CLDN8: variants seen among roughly 807,000 people sequenced by gnomAD.
The protein encoded by CLDN8 is claudin 8.
CLDN8 carries 2 observed loss-of-function variants against 2.2 expected under a neutral mutation model. The observed-to-expected ratio is 0.90, with a 90% CI of 0.37 to 2.82. The LOEUF (loss-of-function observed/expected upper bound fraction) is 2.82. CLDN8 is among the 30% of genes most tolerant of loss of function. The pLI is 0.10. For synonymous variants in CLDN8, 107 were observed against 104.8 expected (o/e 1.02, Z -0.13); for missense variants, 314 against 280.5 (o/e 1.12, Z -0.85).
chr21:30,214,404 G>T lies in CLDN8; in HGVS notation c.*844C>A, dbSNP rs186485421. ...TATTAAAATATATCCATACATATAT[G>T]ATTTCTTGTCAAAATGCATCATTCT... On this transcript the variant is annotated 3_prime_UTR_variant, in exon 1 of 1. Coordinates refer to ENST00000399899, the MANE Select transcript of CLDN8 (RefSeq NM_199328.3). 9.2e-5 allele frequency: 14 copies of T among 152,118 alleles called. No homozygotes were observed. Among genetic ancestry groups the T allele is most frequent in the Admixed American group, 9.2e-4 (14 of 15,276 alleles). 9.4% of individuals were successfully genotyped at this position (152,118 alleles called of 1,614,324 possible).
Position 30,215,637 on chromosome 21 carries a change from T to C in CLDN8, c.289A>G (p.Met97Val). The change falls in exon 1 of 1, where the codon ATG (methionine) becomes GTG (valine). Residue 97 changes from methionine (M) to valine (V), a missense_variant. Physicochemically the swap from Met to Val is conservative, Grantham distance 21. Coordinates refer to ENST00000399899, the MANE Select transcript of CLDN8 (RefSeq NM_199328.3). Reference protein sequence around the residue: ...ASVMSFLAFMMAILGMKCTRC... With the variant: ...ASVMSFLAFMVAILGMKCTRC... ...GTGCATTTCATGCCAAGGATGGCCATCATGAAAGCCAAGAAGGACATCACG... is the reference window on the plus strand; with the variant it reads ...GTGCATTTCATGCCAAGGATGGCCACCATGAAAGCCAAGAAGGACATCACG... The C allele has an allele frequency of 5.0e-6, 8 of 1,614,054 alleles. No individual in the cohort carries two copies. The highest frequency in any genetic ancestry group is 6.8e-6 in the Non-Finnish European group (8 of 1,179,994).
Position 30,214,919 on chromosome 21 carries a change from A to G in CLDN8, c.*329T>C. On this transcript the variant is annotated 3_prime_UTR_variant, in exon 1 of 1. Transcript: ENST00000399899. ...ATAAATGTTACACTCATCTATGTACATAATGCTATGTCGTGGAGAAATTAC... is the reference window on the plus strand; with the variant it reads ...ATAAATGTTACACTCATCTATGTACGTAATGCTATGTCGTGGAGAAATTAC... The G allele has an allele frequency of 3.9e-6, 1 of 258,462 alleles. No homozygotes were observed. The highest frequency in any genetic ancestry group is 5.8e-5 in the South Asian group (1 of 17,166). 16.0% of individuals were successfully genotyped at this position (258,462 alleles called of 1,614,324 possible). A position where few individuals can be genotyped will look rare whatever the true frequency, so the allele number is the denominator to read the frequency against.
chr21:30,215,552 A>T lies in CLDN8; in HGVS notation c.374T>A (p.Ile125Asn). The T allele has an allele frequency of 1.2e-6, 2 of 1,614,060 alleles. No individual in the cohort carries two copies. Among genetic ancestry groups the T allele is most frequent in the Non-Finnish European group, 1.7e-6 (2 of 1,180,012 alleles). Residue 125 changes from isoleucine (I) to asparagine (N), a missense_variant, in exon 1 of 1, where the codon ATC becomes AAC. Coordinates refer to ENST00000399899, the MANE Select transcript of CLDN8 (RefSeq NM_199328.3). The stretch of plus-strand genomic sequence containing the variant: ...CACCACCATGCCCGTGATGATGAAG[A>T]TGATTCCAGCCGTCAGCAGAATGTG... ...KAHILLTAGI[I>N]FIITGMVVLI...
Position 30,215,640 on chromosome 21 carries a change from T to C in CLDN8, c.286A>G (p.Met96Val), listed in dbSNP as rs994122095. The change falls in exon 1 of 1, where the codon ATG becomes GTG. Residue 96 changes from methionine to valine, a missense_variant. Transcript: ENST00000399899. ...CATTTCATGCCAAGGATGGCCATCA[T>C]GAAAGCCAAGAAGGACATCACGGAA... ...AASVMSFLAFMMAILGMKCTR... is the reference protein window; with the variant it reads ...AASVMSFLAFVMAILGMKCTR... 3.1e-6 allele frequency: 5 copies of C among 1,613,972 alleles called. No homozygotes were observed. Among genetic ancestry groups the C allele is most frequent in the Middle Eastern group, 1.6e-4 (1 of 6,084 alleles).
chr21:30,215,944 T>C lies in CLDN8; in HGVS notation c.-19A>G. On this transcript the variant is annotated 5_prime_UTR_variant, in exon 1 of 1. Transcript: ENST00000399899. Reference sequence around the variant, plus strand: ...TTGCCATTATCCTCTGGGATGAGTTTTAGCCAGCTGGACTCCGGAACTGCT... The same window carrying C: ...TTGCCATTATCCTCTGGGATGAGTTCTAGCCAGCTGGACTCCGGAACTGCT... 3.2e-6 allele frequency: 5 copies of C among 1,575,672 alleles called. No individual in the cohort carries two copies. The highest frequency in any genetic ancestry group is 4.3e-6 in the Non-Finnish European group (5 of 1,161,196).
Position 30,215,423 on chromosome 21 carries a change from C to G in CLDN8, c.503G>C (p.Gly168Ala). 1 of 1,614,062 alleles carries G rather than the reference C, an allele frequency of 6.2e-7. No homozygotes were observed. Among genetic ancestry groups the G allele is most frequent in the Non-Finnish European group, 8.5e-7 (1 of 1,179,992 alleles). Residue 168 changes from glycine (G) to alanine (A), a missense_variant, in exon 1 of 1, where the codon GGA becomes GCA. By Grantham distance (60) the Gly-to-Ala change is moderately conservative. Coordinates refer to ENST00000399899, the MANE Select transcript of CLDN8 (RefSeq NM_199328.3). ...KRELGEALYL[G>A]WTTALVLIVG... ...AATCAGCACCAGTGCCGTGGTCCATCCTAAGTAGAGAGCTTCTCCAAGCTC... is the reference window on the plus strand; with the variant it reads ...AATCAGCACCAGTGCCGTGGTCCATGCTAAGTAGAGAGCTTCTCCAAGCTC...
In CLDN8 at chr21:30,216,009, G is replaced by T; in HGVS notation, c.-84C>A. 1 of 1,270,694 alleles carries T rather than the reference G, an allele frequency of 7.9e-7. No homozygotes were observed. The highest frequency in any genetic ancestry group is 1.5e-5 in the African/African-American group (1 of 66,964). The allele number at this position is 1,270,694 out of a possible 1,614,324, so 78.7% of individuals were successfully genotyped here. On this transcript the variant is annotated 5_prime_UTR_variant, in exon 1 of 1. Coordinates refer to ENST00000399899, the MANE Select transcript of CLDN8 (RefSeq NM_199328.3). ...GCAGGGTTCTCTGTGCCACAGAAGA[G>T]AACAGTTTTTCCTGTAGTAATGAAC...
Position 30,214,497 on chromosome 21 carries a change from T to C in CLDN8, c.*751A>G, listed in dbSNP as rs1978880993. 6.6e-6 allele frequency: 1 copy of C among 152,174 alleles called. No homozygotes were observed. The highest frequency in any genetic ancestry group is 1.5e-5 in the Non-Finnish European group (1 of 67,996). 9.4% of individuals were successfully genotyped at this position (152,174 alleles called of 1,614,324 possible). Reference sequence around the variant, plus strand: ...CATCACTTTTTCTTAGATCACACTTTTATCTTTCTTCTGAGTATAGCCCTG... The same window carrying C: ...CATCACTTTTTCTTAGATCACACTTCTATCTTTCTTCTGAGTATAGCCCTG... On this transcript the variant is annotated 3_prime_UTR_variant, in exon 1 of 1. Coordinates refer to ENST00000399899, the MANE Select transcript of CLDN8 (RefSeq NM_199328.3).
Position 30,215,368 on chromosome 21 carries a change from A to T in CLDN8, c.558T>A (p.Phe186Leu), listed in dbSNP as rs1158420893. Residue 186 changes from phenylalanine (F) to leucine (L), a missense_variant, in exon 1 of 1, where the codon TTT (phenylalanine) becomes TTA (leucine). Coordinates refer to ENST00000399899, the MANE Select transcript of CLDN8 (RefSeq NM_199328.3). ...AGCTACTGCTCTTTTCGTTGCAACA[A>T]AAAACGCAGCAGAACAGAGCTCCTC... ...IVGGALFCCV[F>L]CCNEKSSSYR... is the part of the protein sequence containing the mutation. 7 of 1,614,160 alleles carry T rather than the reference A, an allele frequency of 4.3e-6. No homozygotes were observed. Among genetic ancestry groups the T allele is most frequent in the Non-Finnish European group, 5.9e-6 (7 of 1,180,018 alleles).
rs766571800 is a variant in CLDN8, at chr21:30,215,726, T to C, written c.200A>G (p.Tyr67Cys). Reference protein sequence around the residue: ...QANIRMQCKIYDSLLALSPDL... With the variant: ...QANIRMQCKICDSLLALSPDL... ...CGGAGAAAGAGCCAGCAGGGAATCATAGATTTTGCACTGCATCCTGATGTT... is the reference window on the plus strand; with the variant it reads ...CGGAGAAAGAGCCAGCAGGGAATCACAGATTTTGCACTGCATCCTGATGTT... The change falls in exon 1 of 1, where the codon TAT (tyrosine) becomes TGT (cysteine). Residue 67 changes from tyrosine (Y) to cysteine (C), a missense_variant. Tyr to Cys is a radical substitution (Grantham distance 194). Coordinates refer to ENST00000399899, the MANE Select transcript of CLDN8 (RefSeq NM_199328.3). The C allele has an allele frequency of 3.1e-6, 5 of 1,614,100 alleles. No homozygotes were observed. The highest frequency in any genetic ancestry group is 2.2e-5 in the South Asian group (2 of 91,066).
Position 30,215,918 on chromosome 21 carries a change from G to C in CLDN8, c.8C>G (p.Thr3Ser), listed in dbSNP as rs745952339. ...CAGCCCAGCGATTTCTAAGGCATGG[G>C]TTGCCATTATCCTCTGGGATGAGTT... MA[T>S]HALEIAGLFL... The change falls in exon 1 of 1, where the codon ACC becomes AGC. Residue 3 changes from threonine (T) to serine (S), a missense_variant. Transcript: ENST00000399899. 1.9e-6 allele frequency: 3 copies of C among 1,603,040 alleles called. No homozygotes were observed. Among genetic ancestry groups the C allele is most frequent in the Non-Finnish European group, 2.6e-6 (3 of 1,174,356 alleles).
chr21:30,215,390 C>T lies in CLDN8; in HGVS notation c.536G>A (p.Gly179Glu). 1.2e-6 allele frequency: 2 copies of T among 1,614,112 alleles called. No homozygotes were observed. Among genetic ancestry groups the T allele is most frequent in the Non-Finnish European group, 1.7e-6 (2 of 1,180,008 alleles). ...WTTALVLIVG[G>E]ALFCCVFCCN... ...ACAAAAAACGCAGCAGAACAGAGCT[C>T]CTCCAACAATCAGCACCAGTGCCGT... The change falls in exon 1 of 1, where the codon GGA becomes GAA. Residue 179 changes from glycine to glutamate, a missense_variant. Coordinates refer to ENST00000399899, the MANE Select transcript of CLDN8 (RefSeq NM_199328.3).
In CLDN8 at chr21:30,215,317, G is replaced by A. The variant is rs780559017; in HGVS notation, c.609C>T (p.Arg203=). 40 of 1,614,030 alleles carry A rather than the reference G, an allele frequency of 2.5e-5. No homozygotes were observed. Among genetic ancestry groups the A allele is most frequent in the Non-Finnish European group, 2.8e-5 (33 of 1,180,014 alleles). The change falls in exon 1 of 1, where the codon CGC becomes CGT. Residue 203 remains arginine, a synonymous_variant. Transcript: ENST00000399899. ...SSYRYSIPSH[R]TTQKSYHTGK... ...CGGTGTGATAACTTTTTTGGGTTGT[G>A]CGATGGGAAGGTATCGAGTATCTGT...
Position 30,215,126 on chromosome 21 carries a change from G to A in CLDN8, c.*122C>T, listed in dbSNP as rs1978908309. ...CATAAATAGCTGATGCACAGTTCCT[G>A]TAATTAAGATTAGGCAGTTAAGAAC... is the stretch of plus-strand genomic sequence containing the variant. On this transcript the variant is annotated 3_prime_UTR_variant, in exon 1 of 1. Coordinates refer to ENST00000399899, the MANE Select transcript of CLDN8 (RefSeq NM_199328.3). 12 of 745,448 alleles carry A rather than the reference G, an allele frequency of 1.6e-5. No homozygotes were observed. In the South Asian group the frequency reaches 2.0e-4, roughly 12 times the overall value. 46.2% of individuals were successfully genotyped at this position (745,448 alleles called of 1,614,324 possible). A position where few individuals can be genotyped will look rare whatever the true frequency, so the allele number is the denominator to read the frequency against.
rs1288896242 is a variant in CLDN8, at chr21:30,214,633, G to C, written c.*615C>G. 1.3e-5 allele frequency: 2 copies of C among 152,424 alleles called. No homozygotes were observed. Among genetic ancestry groups the C allele is most frequent in the African/African-American group, 4.8e-5 (2 of 41,414 alleles). The allele number at this position is 152,424 out of a possible 1,614,324, so 9.4% of individuals were successfully genotyped here. On this transcript the variant is annotated 3_prime_UTR_variant, in exon 1 of 1. Transcript: ENST00000399899. ...TGGGAGAAGAGGATAAAGAAGTTAGGATTTCTAACTCCTAGGCTAAAAAAC... is the reference window on the plus strand; with the variant it reads ...TGGGAGAAGAGGATAAAGAAGTTAGCATTTCTAACTCCTAGGCTAAAAAAC...
At position 30,215,512 on chromosome 21, in the gene CLDN8, G is replaced by T. The variant is rs762018445; in HGVS notation, c.414C>A (p.Ser138Arg). Residue 138 changes from serine (S) to arginine (R), a missense_variant, in exon 1 of 1, where the codon AGC (serine) becomes AGA (arginine). Coordinates refer to ENST00000399899, the MANE Select transcript of CLDN8 (RefSeq NM_199328.3). ...CTCTGATGATGGCATTGGCAACCCA[G>T]CTCACAGGGATGAGCACCACCATGC... ...ITGMVVLIPV[S>R]WVANAIIRDF... The T allele has an allele frequency of 6.2e-7, 1 of 1,613,942 alleles. No individual in the cohort carries two copies. The highest frequency in any genetic ancestry group is 8.5e-7 in the Non-Finnish European group (1 of 1,179,990).
chr21:30,215,827 C>G lies in CLDN8; in HGVS notation c.99G>C (p.Ser33=). 1 of 1,613,900 alleles carries G rather than the reference C, an allele frequency of 6.2e-7. No homozygotes were observed. ...CCACGATGTTGTTTTCAATGAAGGCCGACACTCTCCACTGAGGCATGACAG... is the reference window on the plus strand; with the variant it reads ...CCACGATGTTGTTTTCAATGAAGGCGGACACTCTCCACTGAGGCATGACAG... ...AVTVMPQWRV[S]AFIENNIVVF... is the part of the protein sequence containing the mutation. Residue 33 remains serine (S), a synonymous_variant, in exon 1 of 1, where the codon TCG becomes TCC. Coordinates refer to ENST00000399899, the MANE Select transcript of CLDN8 (RefSeq NM_199328.3).
Position 30,215,703 on chromosome 21 carries a change from GAGAA to G in CLDN8, c.219_222del (p.Ser74ArgfsTer9), listed in dbSNP as rs1486871622. 1.9e-6 allele frequency: 3 copies of G among 1,614,128 alleles called. No individual in the cohort carries two copies. In the Admixed American group the frequency reaches 5.0e-5, roughly 27 times the overall value. ...AGTCCTCTGGCTGCCTGTAGGTCCG[GAGAA>G]AGAGCCAGCAGGGAATCATAGATTT... On this transcript the variant is annotated frameshift_variant, in exon 1 of 1. Coordinates refer to ENST00000399899, the MANE Select transcript of CLDN8 (RefSeq NM_199328.3). LOFTEE classifies it low-confidence loss of function (END_TRUNC).
Position 30,215,854 on chromosome 21 carries a change from G to A in CLDN8, c.72C>T (p.Val24=). 6.2e-7 allele frequency: 1 copy of A among 1,613,996 alleles called. No homozygotes were observed. Among genetic ancestry groups the A allele is most frequent in the South Asian group, 1.1e-5 (1 of 91,064 alleles). ...ACACTCTCCACTGAGGCATGACAGT[G>A]ACAGCCACTGTGCCCACCATTCCAA... is the stretch of plus-strand genomic sequence containing the variant. ...GGVGMVGTVA[V]TVMPQWRVSA... Residue 24 remains valine, a synonymous_variant, in exon 1 of 1, where the codon GTC becomes GTT. Coordinates refer to ENST00000399899, the MANE Select transcript of CLDN8 (RefSeq NM_199328.3).
Sources: gnomAD v4.1 joint callset for allele counts on GRCh38, gnomAD v4.1.1 for gene constraint, MANE v1.5 for transcripts, NCBI Gene and HGNC (gene_info 2026-07-23, HGNC 2026-07-21) for gene names.